The following ARIH1 variants were observed in gnomAD, a reference collection of about 807,000 sequenced individuals.
ARIH1 encodes the protein E3 ubiquitin-protein ligase ARIH1.
ARIH1 carries 8 observed loss-of-function variants against 85.0 expected under a neutral mutation model. That is an observed-to-expected ratio of 0.09 (90% CI 0.06 to 0.17). The LOEUF (loss-of-function observed/expected upper bound fraction) is 0.17, where lower values mean the gene tolerates loss of function less well. Ranked by LOEUF, ARIH1 falls within the 10% of genes least tolerant of loss-of-function variation. The probability of loss-of-function intolerance (pLI) is 1.00; values close to 1 mark genes in which losing one functional copy is unlikely to be tolerated. For synonymous variants in ARIH1, 238 were observed against 253.6 expected (o/e 0.94, Z 0.59); for missense variants, 311 against 718.1 (o/e 0.43, Z 6.48).
intron 2 of ARIH1, among the ~76,000 whole-genome samples, chr15:72,531,803 A>G (rs2064058415): frequency 6.6e-6 from 1 of 152,210 alleles, no homozygotes; most frequent in African/African-American, 2.4e-5. Flanking sequence ...ATATTCATAA[A>G]CAGTATGTTT....
intron 2 of ARIH1, among the ~76,000 whole-genome samples, chr15:72,520,094 A>G (rs1006918538): frequency 6.6e-6 from 1 of 152,154 alleles, no homozygotes; most frequent in African/African-American, 2.4e-5. Flanking sequence ...GCTTCTGCTC[A>G]GTTTTTCTGG....
intron 2 of ARIH1, among the ~76,000 whole-genome samples, chr15:72,540,025 T>G (rs1432325520): frequency 1.3e-5 from 2 of 152,114 alleles, no homozygotes; most frequent in Non-Finnish European, 2.9e-5. Flanking sequence ...TTTGGGAGGC[T>G]GAGGCGGGCA....
intron 9 of ARIH1, 152 bp from the exon 10 acceptor site, chr15:72,570,025 A>C: frequency 1.4e-6 from 1 of 733,330 alleles, no homozygotes; most frequent in South Asian, 2.0e-5. Context: ...AATAGTGCTT[A>C]AGTGTTCAAC....
At chr15:72,518,018 C>A in intron 1 of ARIH1, 49 bp from the exon 2 acceptor site, 1 of 1,401,080 alleles carries the variant, frequency 7.1e-7, no homozygotes. Context: ...ACTAAATGTC[C>A]ATGAAGTGCT....
At chr15:72,482,053 C>T (rs1226481017) in intron 1 of ARIH1, among the ~76,000 whole-genome samples, 3 of 152,114 alleles carry the variant, frequency 2.0e-5, no homozygotes, top group African/African-American at 7.2e-5. Context: ...CCAGGCTGAT[C>T]TCGAACTCCT....
At chr15:72,524,002 A>G (rs2064013633) in intron 2 of ARIH1, among the ~76,000 whole-genome samples, 1 of 126,622 alleles carries the variant, frequency 7.9e-6, no homozygotes, top group African/African-American at 3.1e-5. Context: ...GCTGGAGTGC[A>G]GTGGCGCAAT....
At position 72,474,631 on chromosome 15, in the gene ARIH1, C is replaced by T; in HGVS notation, c.-9C>T. 6.6e-7 allele frequency: 1 copy of T among 1,514,564 alleles called. No homozygotes were observed. 93.8% of individuals were successfully genotyped at this position (1,514,564 alleles called of 1,614,324 possible). A position where few individuals can be genotyped will look rare whatever the true frequency, so the allele number is the denominator to read the frequency against. ...GGCCAGCGTCCGCCGGGCCCCCGCG[C>T]GTCGCGCCATGGACTCGGACGAGGG... is the stretch of plus-strand genomic sequence containing the variant. On this transcript the variant is annotated 5_prime_UTR_variant, in exon 1 of 14. Coordinates refer to ENST00000379887, the MANE Select transcript of ARIH1 (RefSeq NM_005744.5).
chr15:72,602,210 A>C lies in ARIH1; in HGVS notation c.*18918A>C, dbSNP rs2064384288. 1 of 152,364 alleles carries C rather than the reference A, an allele frequency of 6.6e-6. No homozygotes were observed. Among genetic ancestry groups the C allele is most frequent in the Non-Finnish European group, 1.5e-5 (1 of 68,034 alleles). The allele number at this position is 152,364 out of a possible 1,614,324, so 9.4% of individuals were successfully genotyped here. On this transcript the variant is annotated 3_prime_UTR_variant, in exon 14 of 14. Coordinates refer to ENST00000379887, the MANE Select transcript of ARIH1 (RefSeq NM_005744.5). Reference sequence around the variant, plus strand: ...TACTAGAATTGAAATAATTCAGTTAAAGATTATGTGCATTTTTAATTTTGG... The same window carrying C: ...TACTAGAATTGAAATAATTCAGTTACAGATTATGTGCATTTTTAATTTTGG...
chr15:72,534,981 C>T (rs1287407068), intron 2 of ARIH1, among the ~76,000 whole-genome samples: 1 of 23,816 alleles, frequency 4.2e-5, no homozygotes, highest in African/African-American at 4.5e-5. Flanking sequence ...GAGACGGAGT[C>T]TCGCTGTCGC....
At chr15:72,475,194 T>G (rs1293558500) in intron 1 of ARIH1, 180 bp downstream of exon 1, 1 of 1,315,142 alleles carries the variant, frequency 7.6e-7, no homozygotes, top group African/African-American at 1.5e-5. Context: ...GGTTCGCCGA[T>G]TAGCCGGGTG....
chr15:72,555,311 A>G lies in ARIH1; in HGVS notation c.629A>G (p.Gln210Arg). 1.9e-6 allele frequency: 3 copies of G among 1,613,844 alleles called. No individual in the cohort carries two copies. Among genetic ancestry groups the G allele is most frequent in the Non-Finnish European group, 2.5e-6 (3 of 1,179,810 alleles). Residue 210 changes from glutamine (Q) to arginine (R), a missense_variant, in exon 4 of 14, where the codon CAG becomes CGG. This residue lies in a region of ARIH1 where 104 missense variants were observed against 221.4 expected (regional missense o/e 0.47). Coordinates refer to ENST00000379887, the MANE Select transcript of ARIH1 (RefSeq NM_005744.5). ...GLECGHKFCM[Q>R]CWSEYLTTKI... is the part of the protein sequence containing the mutation. Reference sequence around the variant, plus strand: ...GAATGTGGACATAAGTTTTGTATGCAGTGCTGGAGTGAATATTTAACTACC... The same window carrying G: ...GAATGTGGACATAAGTTTTGTATGCGGTGCTGGAGTGAATATTTAACTACC...
At chr15:72,515,697 G>A (rs1045777388) in intron 1 of ARIH1, among the ~76,000 whole-genome samples, 4 of 152,124 alleles carry the variant, frequency 2.6e-5, no homozygotes, top group African/African-American at 9.7e-5. Flanking sequence ...GTTTGCATTT[G>A]CCCCTCCCAT....
Position 72,489,743 on chromosome 15 carries a change from C to T in ARIH1, c.375+14729C>T, listed in dbSNP as rs144189577. Among the ~76,000 whole-genome samples the T allele has an allele frequency of 6.3e-3, 955 of 152,246 alleles. 4 individuals are homozygous for T. The highest frequency in any genetic ancestry group is 9.7e-3 in the South Asian group (47 of 4,830). ...AGGTTTCCACAGTTGAGAATCTTAG[C>T]GTATTGCTGTTACCTCAAATTTCCA... is the stretch of plus-strand genomic sequence containing the variant. On this transcript the variant is annotated intron_variant, in intron 1 of 13. Transcript: ENST00000379887.
At position 72,524,457 on chromosome 15, in the gene ARIH1, G is replaced by A. The variant is rs560988439; in HGVS notation, c.443+6323G>A. On this transcript the variant is annotated intron_variant, in intron 2 of 13. Transcript: ENST00000379887. ...CTGGAACTCTGACCTCAAGTGATCCGCCCACCTTGGCCTCCCAAAGTGCTG... is the reference window on the plus strand; with the variant it reads ...CTGGAACTCTGACCTCAAGTGATCCACCCACCTTGGCCTCCCAAAGTGCTG... 5.3e-5 allele frequency among the ~76,000 whole-genome samples: 8 copies of A among 152,150 alleles called. No homozygotes were observed. The East Asian group carries it at 1.4e-3, about 26-fold the overall frequency.
At chr15:72,566,731 G>T (rs1481406685) in intron 8 of ARIH1, 126 bp downstream of exon 8, 1 of 818,580 alleles carries the variant, frequency 1.2e-6, no homozygotes, top group Non-Finnish European at 1.9e-6. Context: ...TTTAATTTCA[G>T]ATGATCATTA....
chr15:72,474,454 C>T lies in ARIH1; in HGVS notation c.-186C>T, dbSNP rs541660051. The T allele has an allele frequency of 4.1e-6, 3 of 736,560 alleles. No homozygotes were observed. The highest frequency in any genetic ancestry group is 3.6e-5 in the South Asian group (2 of 55,240). 45.6% of individuals were successfully genotyped at this position (736,560 alleles called of 1,614,324 possible). ...CCTCGCTCCCTCCCTCCCTCCTCCGCGCCCTCCCCGCCGCCACCAGCCGTC... is the reference window on the plus strand; with the variant it reads ...CCTCGCTCCCTCCCTCCCTCCTCCGTGCCCTCCCCGCCGCCACCAGCCGTC... On this transcript the variant is annotated 5_prime_UTR_variant, in exon 1 of 14. Coordinates refer to ENST00000379887, the MANE Select transcript of ARIH1 (RefSeq NM_005744.5).
intron 2 of ARIH1, among the ~76,000 whole-genome samples, chr15:72,527,078 T>C (rs2064032942): frequency 6.6e-6 from 1 of 152,232 alleles, no homozygotes; most frequent in Non-Finnish European, 1.5e-5. Flanking sequence ...CATTATTTCA[T>C]CTGTCATATC....
Position 72,566,612 on chromosome 15 carries a change from TTGTC to T in ARIH1, c.954+10_954+13del, listed in dbSNP as rs773134955. On this transcript the variant is annotated splice_region_variant and intron_variant, in intron 8 of 13. Coordinates refer to ENST00000379887, the MANE Select transcript of ARIH1 (RefSeq NM_005744.5). ...TGATCCTGTTAAATGTAAGGTGAGT[TTGTC>T]TGACATTTCAATTTTTAAATAATGG... The T allele has an allele frequency of 6.8e-6, 11 of 1,609,974 alleles. No individual in the cohort carries two copies. Among genetic ancestry groups the T allele is most frequent in the African/African-American group, 1.3e-5 (1 of 74,832 alleles).
At chr15:72,524,765 G>A (rs2064019671) in intron 2 of ARIH1, among the ~76,000 whole-genome samples, 2 of 152,280 alleles carry the variant, frequency 1.3e-5, no homozygotes, top group South Asian at 4.1e-4. Flanking sequence ...ATTCATGTTA[G>A]CCAGATCAGA....
Sources: gnomAD v4.1 joint callset for allele counts (sites outside exome capture counted in the v4.1 genomes callset) on GRCh38, gnomAD v4.1.1 for gene constraint, gnomAD v4.1.1 regional missense constraint, MANE v1.5 for transcripts, NCBI Gene and HGNC (gene_info 2026-07-23, HGNC 2026-07-21) for gene names.